MEI4: variants seen among roughly 807,000 people sequenced by gnomAD.
MEI4 encodes meiotic double-stranded break formation protein 4.
In MEI4, 27 loss-of-function variants were observed where a neutral mutation model predicts 31.4. The ratio of observed to expected loss-of-function variants is 0.86; its 90% CI spans 0.63 to 1.19. The LOEUF (loss-of-function observed/expected upper bound fraction) is 1.19. Ranked by LOEUF, MEI4 falls within the 50% of genes most tolerant of loss-of-function variation. The pLI is 0.00. For missense variants in MEI4, 329 were observed against 398.9 expected (o/e 0.82, Z 1.49); for synonymous variants, 122 against 145.4 (o/e 0.84, Z 1.16).
intron 4 of MEI4, among the ~76,000 whole-genome samples, chr6:77,903,990 T>C (rs962303417): frequency 2.6e-5 from 4 of 152,176 alleles, no homozygotes; most frequent in Non-Finnish European, 5.9e-5. Context: ...TTGGCTAATA[T>C]ATTTTTTATC....
intron 4 of MEI4, among the ~76,000 whole-genome samples, chr6:77,849,162 C>T (rs544683883): frequency 6.6e-6 from 1 of 151,448 alleles, no homozygotes; most frequent in Non-Finnish European, 1.5e-5. Context: ...TATATATTAA[C>T]CTAAAAATAA....
chr6:77,922,492 G>T lies in MEI4; in HGVS notation c.901-597G>T, dbSNP rs1308912108. On this transcript the variant is annotated intron_variant, in intron 4 of 4. Transcript: ENST00000684080. ...ATTCTCTCATTTTATGCTTGCTATT[G>T]TCTAGTTTTTAGGCCTTTCTGTGAC... Among the ~76,000 whole-genome samples the T allele has an allele frequency of 6.6e-5, 10 of 151,508 alleles. No homozygotes were observed. In the Admixed American group the frequency reaches 6.6e-4, roughly 10 times the overall value.
chr6:77,780,815 C>T (rs182962911), intron 3 of MEI4, among the ~76,000 whole-genome samples: 62 of 152,116 alleles, frequency 4.1e-4, no homozygotes, highest in African/African-American at 1.4e-3. Context: ...TCTAATGTCT[C>T]TTCTGTTAAA....
At chr6:77,832,487 G>A (rs1451211711) in intron 4 of MEI4, among the ~76,000 whole-genome samples, 1 of 151,942 alleles carries the variant, frequency 6.6e-6, no homozygotes, top group Non-Finnish European at 1.5e-5. Flanking sequence ...TTACTGAGAA[G>A]CCTTATGTGT....
At chr6:77,751,611 G>T (rs184561433) in intron 2 of MEI4, among the ~76,000 whole-genome samples, 54 of 152,094 alleles carry the variant, frequency 3.6e-4, no homozygotes, top group Admixed American at 1.3e-3. Context: ...TTCTGAAATT[G>T]AGGCAGCAAT....
chr6:77,665,581 G>C (rs1417002526), intron 1 of MEI4, among the ~76,000 whole-genome samples: 1 of 152,184 alleles, frequency 6.6e-6, no homozygotes, highest in Admixed American at 6.5e-5. Context: ...GAAGGACCAA[G>C]GCAGGTGTCC....
intron 3 of MEI4, among the ~76,000 whole-genome samples, chr6:77,803,816 C>T (rs557611350): frequency 2.6e-4 from 39 of 152,022 alleles, no homozygotes; most frequent in African/African-American, 7.2e-4. Flanking sequence ...TGTTGCTGCC[C>T]GATCGTTCCT....
chr6:77,747,204 A>G (rs1767634146), intron 2 of MEI4, among the ~76,000 whole-genome samples: 1 of 151,944 alleles, frequency 6.6e-6, no homozygotes, highest in Admixed American at 6.6e-5. Context: ...CCCAGCTACT[A>G]GGGAGGTTTA....
At chr6:77,681,750 A>G (rs1768960980) in intron 1 of MEI4, among the ~76,000 whole-genome samples, 1 of 152,128 alleles carries the variant, frequency 6.6e-6, no homozygotes, top group South Asian at 2.1e-4. Context: ...TCTTTTTTCA[A>G]CAAGAGAAAC....
intron 4 of MEI4, among the ~76,000 whole-genome samples, chr6:77,834,045 G>A (rs1770148443): frequency 1.3e-5 from 2 of 151,958 alleles, no homozygotes; most frequent in African/African-American, 4.8e-5. Flanking sequence ...GCACTTGGGT[G>A]GATGTTTTAA....
chr6:77,766,411 T>C (rs1445277189), intron 3 of MEI4, among the ~76,000 whole-genome samples: 2 of 151,952 alleles, frequency 1.3e-5, no homozygotes, highest in African/African-American at 4.8e-5. Flanking sequence ...TGAAATCAGA[T>C]ATTTATTTAT....
At chr6:77,762,412 T>C (rs1056671707) in intron 3 of MEI4, among the ~76,000 whole-genome samples, 8 of 152,208 alleles carry the variant, frequency 5.3e-5, no homozygotes, top group Non-Finnish European at 1.2e-4. Context: ...ATTTCTGCCT[T>C]CTTTAATATC....
chr6:77,773,110 A>G (rs1348727696), intron 3 of MEI4, among the ~76,000 whole-genome samples: 1 of 152,060 alleles, frequency 6.6e-6, no homozygotes, highest in Non-Finnish European at 1.5e-5. Flanking sequence ...TAAAATGTTC[A>G]TACTACCCCA....
intron 3 of MEI4, among the ~76,000 whole-genome samples, chr6:77,799,301 G>C (rs1243157821): frequency 6.6e-6 from 1 of 152,162 alleles, no homozygotes; most frequent in African/African-American, 2.4e-5. Context: ...CTTTTGAGAA[G>C]TGTCTGTTCA....
At chr6:77,655,320 C>A (rs1768373817) in intron 1 of MEI4, among the ~76,000 whole-genome samples, 1 of 152,110 alleles carries the variant, frequency 6.6e-6, no homozygotes, top group African/African-American at 2.4e-5. Flanking sequence ...GGGCATTTGG[C>A]TTGGTTCCAA....
At chr6:77,879,942 A>G (rs1460419677) in intron 4 of MEI4, among the ~76,000 whole-genome samples, 1 of 152,190 alleles carries the variant, frequency 6.6e-6, no homozygotes, top group Non-Finnish European at 1.5e-5. Context: ...TAAATAAACT[A>G]TCTCAAAAAA....
chr6:77,713,257 C>G (rs1424515553), intron 2 of MEI4, among the ~76,000 whole-genome samples: 1 of 152,160 alleles, frequency 6.6e-6, no homozygotes, highest in Admixed American at 6.5e-5. Context: ...GAATGCTTAA[C>G]ACACTGCTTC....
chr6:77,682,831 A>G (rs1768982971), intron 1 of MEI4, among the ~76,000 whole-genome samples: 1 of 152,148 alleles, frequency 6.6e-6, no homozygotes, highest in Admixed American at 6.5e-5. Flanking sequence ...AATTAGTGAA[A>G]AGAACAGAAA....
At chr6:77,738,962 C>A (rs1320073339) in intron 2 of MEI4, among the ~76,000 whole-genome samples, 1 of 151,946 alleles carries the variant, frequency 6.6e-6, no homozygotes, top group African/African-American at 2.4e-5. Context: ...AATTTAAATT[C>A]CTTGTAGACT....
Sources: allele counts gnomAD v4.1 joint callset (sites outside exome capture counted in the v4.1 genomes callset), GRCh38; gene constraint gnomAD v4.1.1; transcripts MANE v1.5; gene names NCBI Gene and HGNC (gene_info 2026-07-23, HGNC 2026-07-21).